TENM1: variants seen among roughly 807,000 people sequenced by gnomAD.
TENM1 encodes the protein teneurin-1.
In TENM1, 35 loss-of-function variants were observed where a neutral mutation model predicts 174.8. The ratio of observed to expected loss-of-function variants is 0.20; its 90% CI spans 0.15 to 0.27. TENM1 has a LOEUF of 0.27. Ranked by LOEUF, TENM1 falls within the 10% of genes least tolerant of loss-of-function variation. The probability of loss-of-function intolerance (pLI) is 1.00; values close to 1 mark genes in which losing one functional copy is unlikely to be tolerated. For synonymous variants in TENM1, 781 were observed against 798.7 expected (o/e 0.98, Z 0.37); for missense variants, 1,633 against 2,130.1 (o/e 0.77, Z 4.59).
intron 3 of TENM1, among the ~76,000 whole-genome samples, chrX:124,778,941 T>TA (rs934303557): frequency 1.1e-4 from 12 of 112,052 alleles, no homozygotes; most frequent in African/African-American, 3.9e-4. Flanking sequence ...TCATCTTTAT[T>TA]AAAAAATATG....
intron 3 of TENM1, among the ~76,000 whole-genome samples, chrX:124,742,308 T>C (rs757623737): frequency 2.7e-5 from 3 of 111,069 alleles, no homozygotes; most frequent in East Asian, 5.7e-4. Context: ...TGTGTTTCAT[T>C]ATCTCCTTGG....
intron 3 of TENM1, among the ~76,000 whole-genome samples, chrX:124,793,774 A>C (rs1428173528): frequency 9.0e-6 from 1 of 111,451 alleles, no homozygotes; most frequent in Non-Finnish European, 1.9e-5. Flanking sequence ...GTGCTTACTA[A>C]ATTTTTCATT....
chrX:125,031,050 C>T, the TENM1 span, among the ~76,000 whole-genome samples: 2 of 110,364 alleles, frequency 1.8e-5, no homozygotes, highest in African/African-American at 6.6e-5. Flanking sequence ...TGGGGTATGA[C>T]TGATCCTGCT....
intron 4 of TENM1, among the ~76,000 whole-genome samples, chrX:124,733,764 C>T (rs769779620): frequency 1.2e-4 from 14 of 112,383 alleles, no homozygotes; most frequent in Middle Eastern, 4.6e-3. Flanking sequence ...TTCTTCTCTG[C>T]GTCTTAAGAA....
intron 6 of TENM1, among the ~76,000 whole-genome samples, chrX:124,660,323 C>T (rs1355648249): frequency 1.9e-5 from 2 of 105,831 alleles, no homozygotes; most frequent in African/African-American, 7.0e-5. Flanking sequence ...TGCAGTGAGC[C>T]GAGATCGCAC....
chrX:124,552,259 T>A (rs1256735848), intron 14 of TENM1, among the ~76,000 whole-genome samples: 1 of 111,860 alleles, frequency 8.9e-6, no homozygotes, highest in Non-Finnish European at 1.9e-5. Context: ...TAGAAAGCCA[T>A]AAGCAATGAA....
At chrX:124,848,554 T>C (rs987159697) in intron 3 of TENM1, among the ~76,000 whole-genome samples, 11 of 111,483 alleles carry the variant, frequency 9.9e-5, no homozygotes, top group African/African-American at 3.6e-4. Context: ...GCTTCCATTG[T>C]TTTCCTGTCA....
At position 124,645,464 on chromosome X, in the gene TENM1, T is replaced by C; in HGVS notation, c.1682-127A>G. ...TATTTCTGTCTTACCCTTTATTAAA[T>C]AGGCACATGTTCATGATTACAAACA... On this transcript the variant is annotated intron_variant, in intron 9 of 31. Transcript: ENST00000422452. The C allele has an allele frequency of 5.3e-6, 3 of 561,482 alleles. No homozygotes were observed. The South Asian group carries it at 1.2e-4, about 22-fold the overall frequency. 46.3% of individuals were successfully genotyped at this position (561,482 alleles called of 1,213,427 possible).
rs146654456 is a variant in TENM1 at position 124,611,436 on chromosome X, C to T, written c.2077+30355G>A. Among the ~76,000 whole-genome samples the T allele has an allele frequency of 1.5e-3, 164 of 111,395 alleles. 1 individual carries two copies. Among genetic ancestry groups the T allele is most frequent in the African/African-American group, 5.2e-3 (160 of 30,679 alleles). On this transcript the variant is annotated intron_variant, in intron 11 of 31. Coordinates refer to ENST00000422452, the Ensembl canonical transcript of TENM1. ...CATTCAAATGAAGTCTTAATCAGAACCCCACTATATAAAATAGATATAAAG... is the reference window on the plus strand; with the variant it reads ...CATTCAAATGAAGTCTTAATCAGAATCCCACTATATAAAATAGATATAAAG...
chrX:124,749,753 C>T (rs891328416), intron 3 of TENM1, among the ~76,000 whole-genome samples: 1 of 112,212 alleles, frequency 8.9e-6, no homozygotes, highest in African/African-American at 3.2e-5. Context: ...TTAAGACCAA[C>T]ATCCACATTA....
intron 27 of TENM1, among the ~76,000 whole-genome samples, chrX:124,403,452 A>G (rs1027352108): frequency 8.4e-5 from 9 of 106,764 alleles, no homozygotes; most frequent in African/African-American, 2.1e-4. Context: ...CCCGGGAGGC[A>G]GAGCTTGCAG....
intron 11 of TENM1, among the ~76,000 whole-genome samples, chrX:124,620,831 T>A (rs756251870): frequency 2.5e-4 from 28 of 112,320 alleles, no homozygotes; most frequent in Non-Finnish European, 4.9e-4. Flanking sequence ...TGATTCGTCT[T>A]ATCTTATGGA....
the TENM1 span, among the ~76,000 whole-genome samples, chrX:125,078,741 A>G: frequency 8.0e-5 from 9 of 111,834 alleles, no homozygotes; most frequent in Non-Finnish European, 1.7e-4. Context: ...AATAAAGTGT[A>G]TTGCTCGCAT....
chrX:125,109,695 C>T, the TENM1 span, among the ~76,000 whole-genome samples: 1 of 111,752 alleles, frequency 8.9e-6, no homozygotes, highest in African/African-American at 3.3e-5. Context: ...ATGCTATCAG[C>T]ACCCCCACCA....
the TENM1 span, among the ~76,000 whole-genome samples, chrX:125,047,685 T>C: frequency 3.6e-5 from 4 of 111,519 alleles, no homozygotes; most frequent in African/African-American, 1.3e-4. Context: ...AACTATAGAA[T>C]ATATATCTTC....
intron 3 of TENM1, among the ~76,000 whole-genome samples, chrX:124,761,206 G>A (rs1408683608): frequency 9.0e-6 from 1 of 110,990 alleles, no homozygotes. Context: ...TATACCCAAA[G>A]GATTACAAAT....
At chrX:124,763,223 G>A (rs2148610207) in intron 3 of TENM1, among the ~76,000 whole-genome samples, 1 of 111,072 alleles carries the variant, frequency 9.0e-6, no homozygotes, top group Non-Finnish European at 1.9e-5. Flanking sequence ...ACACAGGGAA[G>A]GGAAATGGCC....
chrX:124,414,195 A>T (rs1269036257), intron 25 of TENM1, among the ~76,000 whole-genome samples: 10 of 111,814 alleles, frequency 8.9e-5, no homozygotes. Context: ...GGATCAAGAG[A>T]TCATGTAAAC....
intron 6 of TENM1, among the ~76,000 whole-genome samples, chrX:124,666,682 C>T (rs1286081216): frequency 9.0e-6 from 1 of 111,355 alleles, no homozygotes; most frequent in Non-Finnish European, 1.9e-5. Context: ...ACTGAAAGGC[C>T]GTATACAGAC....
Sources: gnomAD v4.1 joint callset for allele counts (sites outside exome capture counted in the v4.1 genomes callset) on GRCh38, gnomAD v4.1.1 for gene constraint, MANE v1.5 for transcripts, NCBI Gene and HGNC (gene_info 2026-07-23, HGNC 2026-07-21) for gene names.